The following MDFIC2 variants were observed in gnomAD, a reference collection of about 807,000 sequenced individuals.
MDFIC2 encodes the protein myoD family inhibitor domain-containing protein 2.
intron 3 of MDFIC2, chr3:70,204,756 C>A (rs1312821187): frequency 6.6e-6 from 1 of 151,632 alleles, no homozygotes; most frequent in African/African-American, 2.4e-5. Context: ...AGGTGTCATG[C>A]TAGTTGGCTT....
intron 2 of MDFIC2, among the ~76,000 whole-genome samples, chr3:70,238,369 G>A (rs1183349132): frequency 6.6e-6 from 1 of 152,042 alleles, no homozygotes; most frequent in African/African-American, 2.4e-5. Context: ...ACATTTTGGG[G>A]AGGCTGAGGC....
intron 3 of MDFIC2, among the ~76,000 whole-genome samples, chr3:70,198,519 T>TA (rs1386471247): frequency 3.3e-5 from 5 of 152,316 alleles, no homozygotes; most frequent in African/African-American, 9.6e-5. Flanking sequence ...TGGTTTCTTG[T>TA]AAAAACACTA....
At chr3:70,285,589 T>G (rs549977569) in intron 2 of MDFIC2, among the ~76,000 whole-genome samples, 3,364 of 149,830 alleles carry the variant, frequency 0.022, 49 homozygotes, top group Non-Finnish European at 0.034. Flanking sequence ...GGGATGGCTG[T>G]GTCAAATGGT....
At chr3:70,289,445 G>T (rs1274082853) in intron 2 of MDFIC2, among the ~76,000 whole-genome samples, 12 of 149,380 alleles carry the variant, frequency 8.0e-5, no homozygotes, top group Admixed American at 1.3e-4. Context: ...AGTCTGATGG[G>T]CTTCCCTTTG....
At chr3:70,201,789 C>G (rs76686448) in intron 3 of MDFIC2, among the ~76,000 whole-genome samples, 2 of 152,184 alleles carry the variant, frequency 1.3e-5, no homozygotes, top group African/African-American at 2.4e-5. Context: ...ATTCCCTCCT[C>G]TTGCCCTCCT....
intron 2 of MDFIC2, among the ~76,000 whole-genome samples, chr3:70,211,402 T>C (rs868188657): frequency 0.02 from 29 of 1,454 alleles, no homozygotes; most frequent in Non-Finnish European, 0.047. Context: ...CTTCCCTTCC[T>C]TTTGCCCTTC....
intron 2 of MDFIC2, among the ~76,000 whole-genome samples, chr3:70,242,157 C>T (rs1404768813): frequency 6.6e-6 from 1 of 152,156 alleles, no homozygotes; most frequent in Admixed American, 6.6e-5. Context: ...TGTATTTCTA[C>T]TGGTAAAAGC....
At chr3:70,253,830 G>A (rs1020700166) in intron 2 of MDFIC2, among the ~76,000 whole-genome samples, 1 of 152,144 alleles carries the variant, frequency 6.6e-6, no homozygotes, top group Non-Finnish European at 1.5e-5. Flanking sequence ...AGAAAGATGT[G>A]AAACTCTTGT....
At chr3:70,214,357 G>T (rs1290263927) in intron 2 of MDFIC2, among the ~76,000 whole-genome samples, 1 of 152,106 alleles carries the variant, frequency 6.6e-6, no homozygotes, top group Non-Finnish European at 1.5e-5. Flanking sequence ...AGAAACGTTA[G>T]ATGAAATGTT....
chr3:70,275,874 T>G (rs1702020151), intron 2 of MDFIC2, among the ~76,000 whole-genome samples: 1 of 152,180 alleles, frequency 6.6e-6, no homozygotes, highest in African/African-American at 2.4e-5. Flanking sequence ...ACCGTGTGTT[T>G]AATTAGGCAA....
intron 2 of MDFIC2, chr3:70,292,061 G>T (rs1702244426): frequency 6.6e-6 from 1 of 152,136 alleles, no homozygotes; most frequent in African/African-American, 2.4e-5. Flanking sequence ...CATGATTATT[G>T]TATAAAACTA....
chr3:70,263,998 A>G (rs1359226738), intron 2 of MDFIC2, among the ~76,000 whole-genome samples: 1 of 152,200 alleles, frequency 6.6e-6, no homozygotes, highest in Non-Finnish European at 1.5e-5. Flanking sequence ...CTACTCTGTC[A>G]TGACTGGAAG....
intron 2 of MDFIC2, among the ~76,000 whole-genome samples, chr3:70,243,297 T>C (rs1282314483): frequency 2.6e-5 from 4 of 152,170 alleles, no homozygotes; most frequent in African/African-American, 2.4e-5. Flanking sequence ...ATGTCTTCTA[T>C]CAAGCAATAA....
At chr3:70,292,016 G>A (rs1046979086) in intron 2 of MDFIC2, 1 of 152,124 alleles carries the variant, frequency 6.6e-6, no homozygotes, top group African/African-American at 2.4e-5. Context: ...TGGTTTCAAA[G>A]CTGAATAAAT....
rs1276739914 is a variant in MDFIC2, at chr3:70,196,126, G to T, written c.*800C>A. Reference sequence around the variant, plus strand: ...CTTATTGTACCTGACAAATAAAAATGAAGAAAGTGAAGAATTGAGATTTTT... The same window carrying T: ...CTTATTGTACCTGACAAATAAAAATTAAGAAAGTGAAGAATTGAGATTTTT... On this transcript the variant is annotated 3_prime_UTR_variant, in exon 4 of 4. Coordinates refer to ENST00000567252, the MANE Select transcript of MDFIC2 (RefSeq NM_001364677.1). Among the ~76,000 whole-genome samples the T allele has an allele frequency of 6.6e-6, 1 of 152,156 alleles. No homozygotes were observed. The highest frequency in any genetic ancestry group is 1.5e-5 in the Non-Finnish European group (1 of 68,018).
intron 2 of MDFIC2, among the ~76,000 whole-genome samples, chr3:70,310,761 A>G (rs1041018154): frequency 6.6e-6 from 1 of 152,166 alleles, no homozygotes; most frequent in African/African-American, 2.4e-5. Context: ...TGATTTCAAC[A>G]CTGTAGGAAA....
At chr3:70,284,393 A>G (rs1295249448) in intron 2 of MDFIC2, among the ~76,000 whole-genome samples, 4 of 152,172 alleles carry the variant, frequency 2.6e-5, no homozygotes, top group Non-Finnish European at 5.9e-5. Flanking sequence ...ACTCTATTAA[A>G]CTTTCTAAAA....
At chr3:70,299,897 A>G (rs756564337) in intron 2 of MDFIC2, among the ~76,000 whole-genome samples, 2 of 151,986 alleles carry the variant, frequency 1.3e-5, no homozygotes, top group African/African-American at 2.4e-5. Flanking sequence ...CCTTCATAAT[A>G]TAGCTAAGAT....
chr3:70,207,159 G>A (rs1332950512), intron 2 of MDFIC2, among the ~76,000 whole-genome samples: 1 of 151,616 alleles, frequency 6.6e-6, no homozygotes, highest in Non-Finnish European at 1.5e-5. Flanking sequence ...AAAAGGATAA[G>A]GATCTTATGT....
Sources: gnomAD v4.1 joint callset for allele counts (sites outside exome capture counted in the v4.1 genomes callset) on GRCh38, gnomAD v4.1.1 for gene constraint, MANE v1.5 for transcripts, NCBI Gene and HGNC (gene_info 2026-07-23, HGNC 2026-07-21) for gene names.